Variants in SGSM1 observed in about 807,000 individuals in gnomAD.
SGSM1 encodes the protein RUN and TBC1 domain containing 2.
A neutral mutation model predicts 133.8 loss-of-function variants in SGSM1; 73 were observed. The ratio of observed to expected loss-of-function variants is 0.55; its 90% CI spans 0.45 to 0.66. The LOEUF (loss-of-function observed/expected upper bound fraction) is 0.66. Among genes scored for constraint, SGSM1 ranks in the 30% least tolerant of loss-of-function variants. The pLI is 0.00. For synonymous variants in SGSM1, 563 were observed against 573.0 expected, an observed-to-expected ratio of 0.98 and a Z score of 0.25; for missense variants, 1,213 against 1,448.1, an observed-to-expected ratio of 0.84 and a Z score of 2.64.
At chr22:24,878,522 A>G (rs1932148947) in intron 13 of SGSM1, among the ~76,000 whole-genome samples, 1 of 152,150 alleles carries the variant, frequency 6.6e-6, no homozygotes, top group South Asian at 2.1e-4. Context: ...GACTTCAGCT[A>G]TGCTCCTTCT....
chr22:24,855,198 G>A, intron 6 of SGSM1, 87 bp from the exon 7 acceptor site: 1 of 1,552,500 alleles, frequency 6.4e-7, no homozygotes, highest in Non-Finnish European at 8.7e-7. Flanking sequence ...CTGGAGGGGA[G>A]GGTAGTGAGA....
At chr22:24,872,281 T>C (rs1931803519) in intron 12 of SGSM1, among the ~76,000 whole-genome samples, 1 of 152,178 alleles carries the variant, frequency 6.6e-6, no homozygotes, top group Non-Finnish European at 1.5e-5. Flanking sequence ...CCCCTTGTGC[T>C]CTGGGGAGGC....
At chr22:24,842,509 GA>G (rs1929864915) in intron 2 of SGSM1, among the ~76,000 whole-genome samples, 1 of 152,130 alleles carries the variant, frequency 6.6e-6, no homozygotes, top group Non-Finnish European at 1.5e-5. Context: ...TTTCCAAAGA[GA>G]ACTTTATTGA....
At position 24,850,382 on chromosome 22, in the gene SGSM1, G is replaced by A; in HGVS notation, c.405G>A (p.Leu135=). The change falls in exon 5 of 25, where the codon TTG becomes TTA. Residue 135 remains leucine (L), a synonymous_variant. Coordinates refer to ENST00000400358, the MANE Select transcript of SGSM1 (RefSeq NM_001098497.3). ...AGCATCTGTGGATTCGCACAGCCTTGTTTGAGAAGGTCCTGGACAAAATTG... is the reference window on the plus strand; with the variant it reads ...AGCATCTGTGGATTCGCACAGCCTTATTTGAGAAGGTCCTGGACAAAATTG... The part of the protein sequence containing the change: ...AIKHLWIRTA[L]FEKVLDKIVH... 6.2e-7 allele frequency: 1 copy of A among 1,614,022 alleles called. No homozygotes were observed. Among genetic ancestry groups the A allele is most frequent in the Non-Finnish European group, 8.5e-7 (1 of 1,179,898 alleles).
At chr22:24,806,842 G>A (rs1927424473) in intron 2 of SGSM1, among the ~76,000 whole-genome samples, 1 of 152,054 alleles carries the variant, frequency 6.6e-6, no homozygotes, top group Non-Finnish European at 1.5e-5. Flanking sequence ...AAGCTGCTAG[G>A]GGGACGCCCC....
intron 16 of SGSM1, among the ~76,000 whole-genome samples, chr22:24,889,838 A>G (rs1415923754): frequency 6.8e-6 from 1 of 146,106 alleles, no homozygotes; most frequent in Non-Finnish European, 1.5e-5. Flanking sequence ...TTTAGTAGAG[A>G]CGAGGTTTCA....
chr22:24,859,975 A>G (rs1423168037), intron 9 of SGSM1, 135 bp downstream of exon 9: 12 of 1,296,198 alleles, frequency 9.3e-6, no homozygotes, highest in African/African-American at 1.5e-5. Context: ...TGTTAGGACC[A>G]CTTGGCTCAG....
At chr22:24,884,741 G>A (rs866417675) in intron 15 of SGSM1, among the ~76,000 whole-genome samples, 5 of 152,212 alleles carry the variant, frequency 3.3e-5, no homozygotes, top group African/African-American at 2.4e-5. Context: ...ACTTCCCACA[G>A]CGCATGTACA....
chr22:24,911,753 C>T lies in SGSM1; in HGVS notation c.2819-890C>T, dbSNP rs551751131. 1.4e-4 allele frequency among the ~76,000 whole-genome samples: 21 copies of T among 152,228 alleles called. No homozygotes were observed. The East Asian group carries it at 2.9e-3, about 21-fold the overall frequency. ...ATCCTGCAAAAATACCTGACCAGTACGCCTCAAAACTATCAAGGTCTCTAG... is the reference window on the plus strand; with the variant it reads ...ATCCTGCAAAAATACCTGACCAGTATGCCTCAAAACTATCAAGGTCTCTAG... On this transcript the variant is annotated intron_variant, in intron 21 of 24. Transcript: ENST00000400358.
intron 8 of SGSM1, among the ~76,000 whole-genome samples, chr22:24,856,435 C>T (rs1301551920): frequency 1.3e-5 from 2 of 152,218 alleles, no homozygotes; most frequent in Non-Finnish European, 2.9e-5. Context: ...AGTGCCATCA[C>T]TCAGTCACCT....
rs16979067 is a variant in SGSM1, at chr22:24,845,666, G to C, written c.139+694G>C. ...TCCCGTGATCTTGGTCCTGTGGAGA[G>C]GCCTGAGCTGGGAGAGCTGGCCAGC... On this transcript the variant is annotated intron_variant, in intron 3 of 24. Transcript: ENST00000400358. Among the ~76,000 whole-genome samples the C allele has an allele frequency of 0.014, 2,133 of 152,324 alleles. 286 individuals carry two copies. In the East Asian group the frequency reaches 0.33, roughly 23 times the overall value.
intron 19 of SGSM1, among the ~76,000 whole-genome samples, chr22:24,898,798 G>T (rs565469699): frequency 3.3e-5 from 5 of 151,850 alleles, no homozygotes; most frequent in Non-Finnish European, 5.9e-5. Flanking sequence ...GAGGCTGAGG[G>T]GGGTGGATCA....
At chr22:24,901,706 T>G in intron 19 of SGSM1, 127 bp from the exon 20 acceptor site, 1 of 1,000,596 alleles carries the variant, frequency 1.0e-6, no homozygotes, top group Non-Finnish European at 1.4e-6. Flanking sequence ...CTGGTCCAGG[T>G]GGGAGATGTA....
chr22:24,873,363 C>T (rs1223325474), intron 12 of SGSM1, among the ~76,000 whole-genome samples: 1 of 151,972 alleles, frequency 6.6e-6, no homozygotes, highest in African/African-American at 2.4e-5. Context: ...TGGGGGTTGC[C>T]TTGTGTTTTC....
intron 5 of SGSM1, among the ~76,000 whole-genome samples, chr22:24,854,631 A>G (rs1930662622): frequency 6.6e-6 from 1 of 152,124 alleles, no homozygotes; most frequent in Admixed American, 6.5e-5. Flanking sequence ...GGGCAACATA[A>G]TGAGACCCTA....
chr22:24,820,943 T>C (rs1420501578), intron 2 of SGSM1, among the ~76,000 whole-genome samples: 1 of 151,912 alleles, frequency 6.6e-6, no homozygotes, highest in African/African-American at 2.4e-5. Context: ...TTGGGATGAG[T>C]TGGGTAGGTG....
At chr22:24,874,715 T>C (rs993416346) in intron 12 of SGSM1, 1 of 1,188,548 alleles carries the variant, frequency 8.4e-7, no homozygotes, top group Non-Finnish European at 1.1e-6. Context: ...CCTCCTGCTG[T>C]CCAGCCTCCA....
At chr22:24,861,070 C>G (rs1361985545) in intron 9 of SGSM1, among the ~76,000 whole-genome samples, 2 of 150,534 alleles carry the variant, frequency 1.3e-5, no homozygotes, top group Non-Finnish European at 3.0e-5. Context: ...AAAGTGTTCT[C>G]TAGGCTGGGC....
chr22:24,847,407 A>C (rs766253994), intron 3 of SGSM1, among the ~76,000 whole-genome samples: 6 of 152,158 alleles, frequency 3.9e-5, no homozygotes, highest in Non-Finnish European at 7.3e-5. Context: ...CAATTATCCG[A>C]CACCCAGCAG....
Sources: gnomAD v4.1 joint callset for allele counts (sites outside exome capture counted in the v4.1 genomes callset) on GRCh38, gnomAD v4.1.1 for gene constraint, MANE v1.5 for transcripts, NCBI Gene and HGNC (gene_info 2026-07-23, HGNC 2026-07-21) for gene names.